CSMD3: variants seen among roughly 807,000 people sequenced by gnomAD.
CSMD3 encodes CUB and sushi domain-containing protein 3.
In CSMD3, 177 loss-of-function variants were observed where a neutral mutation model predicts 435.2. The ratio of observed to expected loss-of-function variants is 0.41; its 90% confidence interval spans 0.36 to 0.46. The LOEUF (loss-of-function observed/expected upper bound fraction) is 0.46, where lower values mean the gene tolerates loss of function less well. CSMD3 is among the 20% of genes least tolerant of loss of function. The pLI is 0.34. For synonymous variants in CSMD3, 1,656 were observed against 1,520.5 expected (o/e 1.09, Z -2.07); for missense variants, 4,265 against 4,504.6 (o/e 0.95, Z 1.52).
At chr8:112,626,988 G>T (rs1238276490) in intron 22 of CSMD3, among the ~76,000 whole-genome samples, 1 of 152,000 alleles carries the variant, frequency 6.6e-6, no homozygotes, top group Non-Finnish European at 1.5e-5. Flanking sequence ...TAGCTCATAA[G>T]ACCAAACCTA....
rs568371978 is a variant in CSMD3 at position 113,058,674 on chromosome 8, G to A, written c.918-39495C>T. ...TTATATTGCAATTTTTATTTTAAAT[G>A]TTCCCTTAGGTACTGTTTCTACTTT... On this transcript the variant is annotated intron_variant, in intron 5 of 70. Coordinates refer to ENST00000297405, the MANE Select transcript of CSMD3 (RefSeq NM_198123.2). Among the ~76,000 whole-genome samples the A allele has an allele frequency of 1.3e-4, 19 of 151,904 alleles. No homozygotes were observed. The South Asian group carries it at 3.3e-3, about 27-fold the overall frequency.
intron 59 of CSMD3, among the ~76,000 whole-genome samples, chr8:112,278,897 C>G (rs1434328924): frequency 6.6e-6 from 1 of 151,840 alleles, no homozygotes; most frequent in Non-Finnish European, 1.5e-5. Context: ...TGTGGGAGAC[C>G]CCCAACATTT....
intron 1 of CSMD3, among the ~76,000 whole-genome samples, chr8:113,396,762 G>C (rs1468146309): frequency 6.6e-6 from 1 of 152,088 alleles, no homozygotes; most frequent in Non-Finnish European, 1.5e-5. Flanking sequence ...GGTATAAATT[G>C]TCTAACACAT....
chr8:112,494,569 TTCTTTTCTTTCTTTCTC>T (rs1821143140), intron 30 of CSMD3, among the ~76,000 whole-genome samples: 1 of 145,004 alleles, frequency 6.9e-6, no homozygotes, highest in African/African-American at 2.6e-5. Context: ...CTTTCTTTCT[TTCTTTTCTTTCTTTCTC>T]TCTACAAGTA....
chr8:112,526,495 C>G lies in CSMD3; in HGVS notation c.4565-9270G>C, dbSNP rs530123907. Among the ~76,000 whole-genome samples the G allele has an allele frequency of 8.0e-4, 121 of 152,050 alleles. 1 individual carries two copies. Among genetic ancestry groups the G allele is most frequent in the Middle Eastern group, 3.4e-3 (1 of 294 alleles). ...ATATAAAAATATTTGTATATTTTAA[C>G]AACAGTTTTATTGTGATGGGTAATT... is the stretch of plus-strand genomic sequence containing the variant. On this transcript the variant is annotated intron_variant, in intron 27 of 70. Transcript: ENST00000297405.
chr8:112,528,705 A>G (rs1825229566), intron 27 of CSMD3, among the ~76,000 whole-genome samples: 1 of 152,176 alleles, frequency 6.6e-6, no homozygotes, highest in Admixed American at 6.5e-5. Context: ...GCCCAGGTGA[A>G]TGTGAAACCA....
At chr8:112,668,889 T>C (rs1454929261) in intron 16 of CSMD3, among the ~76,000 whole-genome samples, 1 of 149,702 alleles carries the variant, frequency 6.7e-6, no homozygotes, top group East Asian at 2.0e-4. Context: ...TGGAAGAGCA[T>C]GGAATAGATA....
chr8:113,121,718 TAGAC>T (rs1375599536), intron 4 of CSMD3, among the ~76,000 whole-genome samples: 1 of 152,136 alleles, frequency 6.6e-6, no homozygotes, highest in East Asian at 1.9e-4. Context: ...ATCACACAGT[TAGAC>T]AGCATTCACG....
chr8:112,363,874 T>A lies in CSMD3; in HGVS notation c.6137-11340A>T, dbSNP rs1586884107. On this transcript the variant is annotated intron_variant, in intron 38 of 70. Transcript: ENST00000297405. Reference sequence around the variant, plus strand: ...TTAGAAATGACAAATACTAATAATTTAATTTGGGCAGGAGGTATTTCTACA... The same window carrying A: ...TTAGAAATGACAAATACTAATAATTAAATTTGGGCAGGAGGTATTTCTACA... Among the ~76,000 whole-genome samples, 4 of 152,182 alleles carry A rather than the reference T, an allele frequency of 2.6e-5. No individual in the cohort carries two copies. In the South Asian group the frequency reaches 8.3e-4, roughly 32 times the overall value.
chr8:113,413,557 C>A (rs928583744), intron 1 of CSMD3, among the ~76,000 whole-genome samples: 3 of 151,994 alleles, frequency 2.0e-5, no homozygotes, highest in Non-Finnish European at 2.9e-5. Flanking sequence ...TAACACAGTC[C>A]CCACCCTCAC....
At chr8:112,530,450 G>C (rs140541471) in intron 27 of CSMD3, among the ~76,000 whole-genome samples, 1 of 152,150 alleles carries the variant, frequency 6.6e-6, no homozygotes. Context: ...AGCTCCATAA[G>C]AGTAGCTATT....
chr8:113,079,235 T>C (rs951460296), intron 5 of CSMD3, among the ~76,000 whole-genome samples: 1 of 152,170 alleles, frequency 6.6e-6, no homozygotes, highest in East Asian at 1.9e-4. Context: ...AATGTCATTG[T>C]TCAATACATA....
chr8:112,915,761 C>CT, intron 10 of CSMD3, among the ~76,000 whole-genome samples: 1 of 151,696 alleles, frequency 6.6e-6, no homozygotes, highest in Non-Finnish European at 1.5e-5. Flanking sequence ...TGAAACCTGT[C>CT]TTTTTTAAAT....
intron 32 of CSMD3, among the ~76,000 whole-genome samples, chr8:112,460,303 C>T (rs982169232): frequency 6.6e-6 from 1 of 151,584 alleles, no homozygotes; most frequent in Non-Finnish European, 1.5e-5. Context: ...AGATCTTTAC[C>T]CACAATGAGG....
intron 1 of CSMD3, among the ~76,000 whole-genome samples, chr8:113,433,770 C>T (rs1377849468): frequency 6.6e-6 from 1 of 152,188 alleles, no homozygotes; most frequent in Non-Finnish European, 1.5e-5. Context: ...GGGCGGGACG[C>T]TTAAGCACGA....
chr8:112,884,154 T>C (rs938535323), intron 10 of CSMD3, among the ~76,000 whole-genome samples: 4 of 151,906 alleles, frequency 2.6e-5, no homozygotes, highest in African/African-American at 9.7e-5. Flanking sequence ...GAAACTGCAC[T>C]GAGCTATTCA....
intron 35 of CSMD3, among the ~76,000 whole-genome samples, chr8:112,401,804 C>T (rs16883550): frequency 0.02 from 3,116 of 152,140 alleles, 103 homozygotes; most frequent in African/African-American, 0.071. Flanking sequence ...TCAAGGAATC[C>T]TAAATTAGAG....
intron 58 of CSMD3, among the ~76,000 whole-genome samples, chr8:112,282,050 T>G (rs1818706663): frequency 6.6e-6 from 1 of 152,142 alleles, no homozygotes; most frequent in Non-Finnish European, 1.5e-5. Context: ...CTATCTGACT[T>G]AAAAGCTATA....
rs1447553983 is a variant in CSMD3, at chr8:113,376,411, AAAT to A, written c.178+60263_178+60265del. ...TGTTTAGTAATTCATATTTTGATTC[AAAT>A]AATAATAACAAAAAATATATTTTGT... On this transcript the variant is annotated intron_variant, in intron 1 of 70. Transcript: ENST00000297405. Among the ~76,000 whole-genome samples the A allele has an allele frequency of 8.5e-5, 13 of 152,258 alleles. No homozygotes were observed. The East Asian group carries it at 1.4e-3, about 16-fold the overall frequency.
Sources: allele counts gnomAD v4.1 joint callset (sites outside exome capture counted in the v4.1 genomes callset), GRCh38; gene constraint gnomAD v4.1.1; transcripts MANE v1.5; gene names NCBI Gene and HGNC (gene_info 2026-07-23, HGNC 2026-07-21).